The following DMD variants were observed in gnomAD, a reference collection of about 807,000 sequenced individuals.
The protein encoded by DMD is dystrophin.
Under a neutral mutation model 330.1 loss-of-function variants are expected in DMD, and 63 were observed. That is an observed-to-expected ratio of 0.19 (90% CI 0.16 to 0.24). DMD has a LOEUF of 0.24. Among genes scored for constraint, DMD ranks in the 10% least tolerant of loss-of-function variants. DMD has a pLI of 1.00. For synonymous variants in DMD, 1,223 were observed against 959.8 expected (o/e 1.27, Z -5.07); for missense variants, 3,344 against 2,684.1 (o/e 1.25, Z -5.43).
At chrX:32,394,300 C>T (rs2098024767) in intron 30 of DMD, among the ~76,000 whole-genome samples, 1 of 111,596 alleles carries the variant, frequency 9.0e-6, no homozygotes, top group Admixed American at 9.5e-5. Flanking sequence ...ACATGGTGCT[C>T]TCAGAGTATC....
intron 1 of DMD, among the ~76,000 whole-genome samples, chrX:33,170,149 A>G: frequency 9.0e-6 from 1 of 111,478 alleles, no homozygotes. Context: ...CTAGAGTTAC[A>G]TAAAGATTAT....
intron 7 of DMD, among the ~76,000 whole-genome samples, chrX:32,753,785 G>T (rs748757799): frequency 2.7e-5 from 3 of 111,161 alleles, no homozygotes; most frequent in Non-Finnish European, 5.7e-5. Flanking sequence ...CTGTACTTGC[G>T]TCTACATGTT....
Position 31,744,446 on chromosome X carries a change from C to T in DMD, c.7543-14698G>A, listed in dbSNP as rs140479781. 6.5e-3 allele frequency among the ~76,000 whole-genome samples: 721 copies of T among 111,496 alleles called. 4 individuals carry two copies. The highest frequency in any genetic ancestry group is 0.022 in the African/African-American group (662 of 30,684). On this transcript the variant is annotated intron_variant, in intron 51 of 78. Coordinates refer to ENST00000357033, the MANE Select transcript of DMD (RefSeq NM_004006.3). Reference sequence around the variant, plus strand: ...TGCAATAAAGTGAAACCCAATAAAACGAGATACGCATGTACATATTTGGGG... The same window carrying T: ...TGCAATAAAGTGAAACCCAATAAAATGAGATACGCATGTACATATTTGGGG...
intron 42 of DMD, among the ~76,000 whole-genome samples, chrX:32,302,704 T>A (rs2097527801): frequency 9.0e-6 from 1 of 111,372 alleles, no homozygotes; most frequent in Non-Finnish European, 1.9e-5. Context: ...GAATTTGGGA[T>A]GTTTGATGAA....
At chrX:33,035,460 G>T (rs1295785912) in intron 1 of DMD, among the ~76,000 whole-genome samples, 1 of 111,335 alleles carries the variant, frequency 9.0e-6, no homozygotes, top group Non-Finnish European at 1.9e-5. Flanking sequence ...TTAGTTTCTT[G>T]TGCTTCCATA....
intron 11 of DMD, among the ~76,000 whole-genome samples, chrX:32,626,596 C>T (rs938160589): frequency 2.9e-5 from 3 of 104,953 alleles, no homozygotes; most frequent in East Asian, 5.6e-4. Flanking sequence ...AGAATGCTGT[C>T]ATCTGCTTAA....
intron 12 of DMD, among the ~76,000 whole-genome samples, chrX:32,598,065 C>T: frequency 8.9e-6 from 1 of 112,120 alleles, no homozygotes; most frequent in Non-Finnish European, 1.9e-5. Context: ...GGCTGAATCA[C>T]AATCTCAAAT....
At chrX:32,558,192 A>T (rs1465214583) in intron 16 of DMD, among the ~76,000 whole-genome samples, 2 of 111,375 alleles carry the variant, frequency 1.8e-5, no homozygotes, top group Non-Finnish European at 3.8e-5. Flanking sequence ...TATCAGAAAG[A>T]AGAGATGTAT....
chrX:31,317,974 T>A (rs920737823), intron 62 of DMD, among the ~76,000 whole-genome samples: 1 of 112,244 alleles, frequency 8.9e-6, no homozygotes, highest in African/African-American at 3.2e-5. Context: ...TCCCTCTGTA[T>A]ATAAATACAG....
At chrX:32,980,559 C>T (rs2092682564) in intron 2 of DMD, among the ~76,000 whole-genome samples, 1 of 109,994 alleles carries the variant, frequency 9.1e-6, no homozygotes, top group African/African-American at 3.3e-5. Flanking sequence ...TCAGCCTAGT[C>T]TCTACCACCA....
At chrX:31,602,430 T>G (rs2077414465) in intron 55 of DMD, among the ~76,000 whole-genome samples, 2 of 110,338 alleles carry the variant, frequency 1.8e-5, no homozygotes, top group Non-Finnish European at 3.8e-5. Flanking sequence ...GTTGTATAAT[T>G]TTTATTTTCT....
intron 44 of DMD, among the ~76,000 whole-genome samples, chrX:32,013,785 A>G (rs1403103690): frequency 1.8e-5 from 2 of 112,328 alleles, no homozygotes; most frequent in African/African-American, 6.5e-5. Context: ...TATTTACATA[A>G]TCTGAAGAAT....
At chrX:31,635,669 T>C (rs2079371440) in intron 54 of DMD, among the ~76,000 whole-genome samples, 1 of 112,036 alleles carries the variant, frequency 8.9e-6, no homozygotes, top group South Asian at 3.7e-4. Flanking sequence ...AACAATTTCA[T>C]AACCGCTGAT....
Position 32,310,295 on chromosome X carries a change from A to G in DMD, c.5923-19T>C, listed in dbSNP as rs776894866. On this transcript the variant is annotated intron_variant, in intron 41 of 78. Coordinates refer to ENST00000357033, the MANE Select transcript of DMD (RefSeq NM_004006.3). ...CAGTGTGCTGGTATAGATATACAAAAGAACAATTTTTTTTAGCTTCCTAAC... is the reference window on the plus strand; with the variant it reads ...CAGTGTGCTGGTATAGATATACAAAGGAACAATTTTTTTTAGCTTCCTAAC... 1.7e-6 allele frequency: 2 copies of G among 1,189,305 alleles called. No homozygotes were observed. Among genetic ancestry groups the G allele is most frequent in the East Asian group, 3.0e-5 (1 of 33,393 alleles).
intron 1 of DMD, among the ~76,000 whole-genome samples, chrX:33,032,623 T>C (rs1039798482): frequency 4.4e-5 from 5 of 112,488 alleles, no homozygotes; most frequent in African/African-American, 1.6e-4. Flanking sequence ...ATCTTGGTCT[T>C]TCTCCTTACC....
intron 60 of DMD, among the ~76,000 whole-genome samples, chrX:31,353,700 C>T (rs781550007): frequency 9.0e-6 from 1 of 111,543 alleles, no homozygotes; most frequent in Admixed American, 9.5e-5. Context: ...TTTGTCCTAA[C>T]AGTGAAACAT....
chrX:31,213,153 A>ACTTTGC (rs1260071491), intron 64 of DMD, among the ~76,000 whole-genome samples: 1 of 112,506 alleles, frequency 8.9e-6, no homozygotes, highest in African/African-American at 3.2e-5. Context: ...CAAGAAAGTC[A>ACTTTGC]ATGCACTTTG....
In DMD at chrX:31,505,357, A is replaced by G. The variant is rs114374529; in HGVS notation, c.8390+1924T>C. 6.1e-3 allele frequency among the ~76,000 whole-genome samples: 686 copies of G among 111,636 alleles called. 6 individuals carry two copies. The highest frequency in any genetic ancestry group is 0.021 in the African/African-American group (650 of 30,726). On this transcript the variant is annotated intron_variant, in intron 56 of 78. Coordinates refer to ENST00000357033, the MANE Select transcript of DMD (RefSeq NM_004006.3). ...AATTCATATACAAAATAGGGAGATA[A>G]GGAACAATGTCTGGGAAGCCAGGGT...
intron 44 of DMD, among the ~76,000 whole-genome samples, chrX:32,182,664 AAC>A (rs778256951): frequency 8.9e-6 from 1 of 112,152 alleles, no homozygotes; most frequent in South Asian, 3.7e-4. Context: ...AACAGTGTCT[AAC>A]ACATTTTATA....
Sources: gnomAD v4.1 joint callset for allele counts (sites outside exome capture counted in the v4.1 genomes callset) on GRCh38, gnomAD v4.1.1 for gene constraint, MANE v1.5 for transcripts, NCBI Gene and HGNC (gene_info 2026-07-23, HGNC 2026-07-21) for gene names.